Variants in TBC1D4 observed in about 807,000 individuals in gnomAD.
The protein encoded by TBC1D4 is TBC (Tre-2, BUB2, CDC16) domain-containing protein.
In TBC1D4, 121 loss-of-function variants were observed where a neutral mutation model predicts 142.5. The ratio of observed to expected loss-of-function variants is 0.85; its 90% CI spans 0.73 to 0.99. The LOEUF (loss-of-function observed/expected upper bound fraction) is 0.99, where lower values mean the gene tolerates loss of function less well. Among genes scored for constraint, TBC1D4 ranks in the 50% least tolerant of loss-of-function variants. TBC1D4 has a pLI of 0.00. For missense variants in TBC1D4, 1,475 were observed against 1,606.6 expected (o/e 0.92, Z 1.40); for synonymous variants, 630 against 628.2 (o/e 1.00, Z -0.04).
intron 8 of TBC1D4, among the ~76,000 whole-genome samples, chr13:75,329,930 CTTTGGCAT>C (rs1879609380): frequency 6.6e-6 from 1 of 152,180 alleles, no homozygotes; most frequent in Admixed American, 6.5e-5. Context: ...TAAGTTTGCC[CTTTGGCAT>C]TGTGAAATTT....
At chr13:75,336,779 TTAAA>T (rs1370942421) in intron 8 of TBC1D4, 138 bp downstream of exon 8, 1 of 1,089,546 alleles carries the variant, frequency 9.2e-7, no homozygotes, top group African/African-American at 1.6e-5. Context: ...GATCCTTTTG[TTAAA>T]TAATTTTTAA....
intron 1 of TBC1D4, among the ~76,000 whole-genome samples, chr13:75,463,359 C>A (rs1217988802): frequency 6.6e-6 from 1 of 152,032 alleles, no homozygotes; most frequent in Non-Finnish European, 1.5e-5. Context: ...TAGGAAGGGG[C>A]CTTGGGTCCC....
At chr13:75,387,977 G>A (rs1461565048) in intron 1 of TBC1D4, among the ~76,000 whole-genome samples, 4 of 152,122 alleles carry the variant, frequency 2.6e-5, no homozygotes, top group Non-Finnish European at 1.5e-5. Flanking sequence ...AATCTCTAGG[G>A]GAGAATTCAT....
chr13:75,414,065 A>T (rs1343993672), intron 1 of TBC1D4, among the ~76,000 whole-genome samples: 1 of 152,202 alleles, frequency 6.6e-6, no homozygotes, highest in Non-Finnish European at 1.5e-5. Flanking sequence ...CCCATTAGCA[A>T]TTAGAAGTAT....
In TBC1D4 at chr13:75,299,310, G is replaced by C. The variant is rs369910668; in HGVS notation, c.3156+20C>G. ...CTGGTAATAGTCTCACACCTTCCTC[G>C]GGAAGCACAAGTGCCTCACCTGCAG... On this transcript the variant is annotated intron_variant, in intron 17 of 20. Transcript: ENST00000377636. 41 of 1,613,478 alleles carry C rather than the reference G, an allele frequency of 2.5e-5. No homozygotes were observed. Among genetic ancestry groups the C allele is most frequent in the Non-Finnish European group, 3.5e-5 (41 of 1,179,940 alleles).
chr13:75,320,806 G>A (rs374804016), intron 11 of TBC1D4, among the ~76,000 whole-genome samples: 4 of 148,380 alleles, frequency 2.7e-5, no homozygotes, highest in Non-Finnish European at 5.9e-5. Flanking sequence ...GGCGGATCAC[G>A]AGGTCAGGAG....
At position 75,362,549 on chromosome 13, in the gene TBC1D4, G is replaced by C. The variant is rs938849656; in HGVS notation, c.557C>G (p.Ala186Gly). Reference sequence around the variant, plus strand: ...GTCCTCATTATCTTTGCTGGGTTTGGCATCCTCTTTCATGGCCGCTTTAGA... The same window carrying C: ...GTCCTCATTATCTTTGCTGGGTTTGCCATCCTCTTTCATGGCCGCTTTAGA... ...QLSKAAMKEDAKPSKDNEDAF... is the reference protein window; with the variant it reads ...QLSKAAMKEDGKPSKDNEDAF... Residue 186 changes from alanine to glycine, a missense_variant, in exon 2 of 21, where the codon GCC becomes GGC. Ala to Gly is a moderately conservative substitution (Grantham distance 60). Transcript: ENST00000377636. The surrounding 1 kb of genome is among the most constrained non-coding windows in gnomAD (Gnocchi z 4.2). 1.2e-6 allele frequency: 2 copies of C among 1,614,182 alleles called. No homozygotes were observed. The highest frequency in any genetic ancestry group is 1.7e-6 in the Non-Finnish European group (2 of 1,180,038).
chr13:75,339,041 A>G (rs1234054757), intron 7 of TBC1D4, among the ~76,000 whole-genome samples: 1 of 152,212 alleles, frequency 6.6e-6, no homozygotes, highest in Non-Finnish European at 1.5e-5. Flanking sequence ...TTCAAGACGA[A>G]TTATTCAAGC....
At chr13:75,449,639 G>A (rs561136309) in intron 1 of TBC1D4, among the ~76,000 whole-genome samples, 1 of 149,886 alleles carries the variant, frequency 6.7e-6, no homozygotes, top group Non-Finnish European at 1.5e-5. Context: ...AGGCTACAGT[G>A]CAGTGGTGTG....
chr13:75,291,246 T>C (rs912749412), intron 19 of TBC1D4, among the ~76,000 whole-genome samples: 1 of 152,110 alleles, frequency 6.6e-6, no homozygotes, highest in Non-Finnish European at 1.5e-5. Context: ...CAGCACAAGA[T>C]CAGAAGGGGC....
chr13:75,437,083 T>TAGGA (rs1445953300), intron 1 of TBC1D4, among the ~76,000 whole-genome samples: 9 of 152,154 alleles, frequency 5.9e-5, no homozygotes, highest in African/African-American at 2.2e-4. Flanking sequence ...TAGAAAAGAC[T>TAGGA]AGGAAAACTC....
chr13:75,450,214 T>C (rs1194912006), intron 1 of TBC1D4, among the ~76,000 whole-genome samples: 1 of 152,222 alleles, frequency 6.6e-6, no homozygotes, highest in East Asian at 1.9e-4. Flanking sequence ...ACAGTGGCCA[T>C]AGTTGCCATT....
rs566120354 is a variant in TBC1D4 at position 75,482,017 on chromosome 13, C to T, written c.-250G>A. ...GGCAGGCGAGGGCGGGTTAAATGGG[C>T]ATCCTCCTCCTTGGGCTGGCGCCTC... On this transcript the variant is annotated 5_prime_UTR_variant, in exon 1 of 21. An upstream start codon of the reference 5' UTR is lost. Transcript: ENST00000377636. 1.2e-4 allele frequency: 49 copies of T among 414,768 alleles called. 1 individual carries two copies. The South Asian group carries it at 4.9e-3, about 41-fold the overall frequency. The allele number at this position is 414,768 out of a possible 1,614,324, so 25.7% of individuals were successfully genotyped here.
chr13:75,353,722 G>A (rs1881808018), intron 4 of TBC1D4, among the ~76,000 whole-genome samples: 1 of 152,188 alleles, frequency 6.6e-6, no homozygotes, highest in Admixed American at 6.5e-5. Context: ...TCAGACTATA[G>A]TAGGGCAGAG....
chr13:75,305,097 T>C (rs759504775), intron 15 of TBC1D4, among the ~76,000 whole-genome samples: 18 of 152,288 alleles, frequency 1.2e-4, no homozygotes, highest in Non-Finnish European at 2.1e-4. Context: ...TGAGTAAGTC[T>C]CATGAAATCT....
At chr13:75,410,681 A>G (rs1445379722) in intron 1 of TBC1D4, among the ~76,000 whole-genome samples, 1 of 152,126 alleles carries the variant, frequency 6.6e-6, no homozygotes, top group East Asian at 1.9e-4. Flanking sequence ...TCACGCCTGT[A>G]ATCCCAGCAC....
At chr13:75,463,023 T>C (rs1001885644) in intron 1 of TBC1D4, among the ~76,000 whole-genome samples, 2 of 152,150 alleles carry the variant, frequency 1.3e-5, no homozygotes, top group Non-Finnish European at 2.9e-5. Context: ...TCCAGGAAAC[T>C]GCCAAACTAT....
At chr13:75,464,796 C>A (rs1888104604) in intron 1 of TBC1D4, among the ~76,000 whole-genome samples, 1 of 152,198 alleles carries the variant, frequency 6.6e-6, no homozygotes, top group African/African-American at 2.4e-5. Flanking sequence ...GCAAATCTTT[C>A]CTGTAGCCTA....
chr13:75,318,471 T>G (rs1878493885), intron 12 of TBC1D4, among the ~76,000 whole-genome samples: 2 of 152,246 alleles, frequency 1.3e-5, no homozygotes, highest in Admixed American at 6.5e-5. Context: ...TGATAGCAAC[T>G]ATTGAACCGA....
Sources: gnomAD v4.1 joint callset for allele counts (sites outside exome capture counted in the v4.1 genomes callset) on GRCh38, gnomAD v4.1.1 for gene constraint, Gnocchi (gnomAD v3.1) non-coding constraint, MANE v1.5 for transcripts, NCBI Gene and HGNC (gene_info 2026-07-23, HGNC 2026-07-21) for gene names.